Variants in ADK observed in about 807,000 individuals in gnomAD.
ADK encodes N6,N6-dimethyladenosine kinase.
In ADK, 24 loss-of-function variants were observed where a neutral mutation model predicts 44.7. That is an observed-to-expected ratio of 0.54 (90% CI 0.39 to 0.76). ADK has a LOEUF of 0.76. ADK is among the 30% of genes least tolerant of loss of function. The probability of loss-of-function intolerance (pLI) is 0.00; values close to 1 mark genes in which losing one functional copy is unlikely to be tolerated. For synonymous variants in ADK, 128 were observed against 142.6 expected (o/e 0.90, Z 0.73); for missense variants, 321 against 425.1 (o/e 0.76, Z 2.15).
intron 1 of ADK, among the ~76,000 whole-genome samples, chr10:74,171,744 A>G (rs748091995): frequency 2.6e-5 from 4 of 152,088 alleles, no homozygotes; most frequent in Non-Finnish European, 5.9e-5. Flanking sequence ...AAAATTGATC[A>G]AAAGTAGTAG....
At chr10:74,460,329 T>C (rs1846125865) in intron 6 of ADK, among the ~76,000 whole-genome samples, 1 of 152,198 alleles carries the variant, frequency 6.6e-6, no homozygotes, top group Non-Finnish European at 1.5e-5. Context: ...TTATCTTCAT[T>C]TGGGTTGCAG....
Position 74,704,903 on chromosome 10 carries a change from C to CTT in ADK, c.965-3415_965-3414dup, listed in dbSNP as rs766067172. 1.5e-4 allele frequency among the ~76,000 whole-genome samples: 23 copies of CTT among 152,322 alleles called. 1 individual carries two copies. Among genetic ancestry groups the CTT allele is most frequent in the South Asian group, 4.1e-4 (2 of 4,826 alleles). On this transcript the variant is annotated intron_variant, in intron 10 of 10. Coordinates refer to ENST00000539909, the MANE Select transcript of ADK (RefSeq NM_006721.4). ...AGTTTGGCAGAAAAGTTAATATTGA[C>CTT]TTTTGACTGTTACCTGAAAACTTGG...
intron 7 of ADK, among the ~76,000 whole-genome samples, chr10:74,570,158 GC>G (rs1850890147): frequency 6.6e-6 from 1 of 152,094 alleles, no homozygotes; most frequent in African/African-American, 2.4e-5. Context: ...CCAGTACCAT[GC>G]TGTTTTGGTT....
At chr10:74,499,739 T>C (rs1847827735) in intron 6 of ADK, among the ~76,000 whole-genome samples, 1 of 152,144 alleles carries the variant, frequency 6.6e-6, no homozygotes, top group South Asian at 2.1e-4. Flanking sequence ...AGTAGATAAC[T>C]AGGCATGTCT....
intron 9 of ADK, among the ~76,000 whole-genome samples, chr10:74,658,083 C>T (rs2134158403): frequency 6.6e-6 from 1 of 152,254 alleles, no homozygotes; most frequent in South Asian, 2.1e-4. Context: ...GAACAATAGG[C>T]TGGATTCATA....
intron 7 of ADK, among the ~76,000 whole-genome samples, chr10:74,586,781 G>C (rs1232272768): frequency 6.6e-6 from 1 of 151,348 alleles, no homozygotes; most frequent in Non-Finnish European, 1.5e-5. Flanking sequence ...TTTAACCCAG[G>C]AGGCGGAGGT....
Position 74,230,546 on chromosome 10 carries a change from A to AC in ADK, c.194+5956dup, listed in dbSNP as rs1199557130. ...GAAAACAGTTGCATGATCATGGCTC[A>AC]CTACAGTCTTGTTTTTAGAGATGAG... On this transcript the variant is annotated intron_variant, in intron 3 of 10. Transcript: ENST00000539909. Among the ~76,000 whole-genome samples, 3 of 151,382 alleles carry AC rather than the reference A, an allele frequency of 2.0e-5. No homozygotes were observed. In the East Asian group the frequency reaches 5.8e-4, roughly 29 times the overall value.
At chr10:74,333,904 GT>G (rs1414576450) in intron 4 of ADK, among the ~76,000 whole-genome samples, 1 of 151,666 alleles carries the variant, frequency 6.6e-6, no homozygotes, top group East Asian at 1.9e-4. Context: ...GTATATTTTT[GT>G]TTTTTTAAGG....
At chr10:74,633,283 A>C (rs1444909130) in intron 9 of ADK, among the ~76,000 whole-genome samples, 1 of 152,150 alleles carries the variant, frequency 6.6e-6, no homozygotes, top group African/African-American at 2.4e-5. Flanking sequence ...TGCTTAATAT[A>C]TCTTAGAGAT....
chr10:74,187,363 C>T (rs965497382), intron 1 of ADK, among the ~76,000 whole-genome samples: 2 of 152,046 alleles, frequency 1.3e-5, no homozygotes, highest in African/African-American at 4.8e-5. Context: ...GTGCTATAAA[C>T]ATTTATGTAC....
intron 2 of ADK, among the ~76,000 whole-genome samples, chr10:74,205,652 T>A (rs1843565769): frequency 7.4e-6 from 1 of 135,408 alleles, no homozygotes; most frequent in Non-Finnish European, 1.5e-5. Context: ...CTCCAGCCAG[T>A]GTGACAGCCT....
intron 9 of ADK, among the ~76,000 whole-genome samples, chr10:74,631,287 T>C (rs1268299492): frequency 6.6e-6 from 1 of 151,784 alleles, no homozygotes; most frequent in African/African-American, 2.4e-5. Context: ...TATTTTTTTT[T>C]TTTTGAGAAG....
rs533901339 is a variant in ADK at position 74,559,307 on chromosome 10, C to A, written c.727-29975C>A. On this transcript the variant is annotated intron_variant, in intron 7 of 10. Transcript: ENST00000539909. The stretch of plus-strand genomic sequence containing the variant: ...ACTAGGACCTGATGGCCAAAACACT[C>A]ATTTTAATGAAATCATACTTTAATT... 3.2e-4 allele frequency among the ~76,000 whole-genome samples: 49 copies of A among 152,376 alleles called. No homozygotes were observed. The South Asian group carries it at 9.5e-3, about 30-fold the overall frequency.
At chr10:74,543,015 C>T (rs1849696476) in intron 7 of ADK, among the ~76,000 whole-genome samples, 2 of 152,090 alleles carry the variant, frequency 1.3e-5, no homozygotes, top group Middle Eastern at 3.4e-3. Flanking sequence ...ATTCTCCTGC[C>T]TCAGCCTCCC....
intron 4 of ADK, among the ~76,000 whole-genome samples, chr10:74,323,791 C>T (rs991225252): frequency 6.6e-6 from 1 of 152,068 alleles, no homozygotes. Flanking sequence ...AGGATGGTCT[C>T]TATCTCCTGA....
intron 7 of ADK, among the ~76,000 whole-genome samples, chr10:74,543,509 G>A (rs1443247374): frequency 6.6e-6 from 1 of 152,198 alleles, no homozygotes; most frequent in African/African-American, 2.4e-5. Context: ...TGGGTTGCTA[G>A]AGGTATTTCT....
At chr10:74,543,045 TGCC>T (rs1849699148) in intron 7 of ADK, among the ~76,000 whole-genome samples, 1 of 151,752 alleles carries the variant, frequency 6.6e-6, no homozygotes, top group Admixed American at 6.6e-5. Flanking sequence ...GGACTACAGG[TGCC>T]TGCCACCACC....
chr10:74,350,589 A>T (rs981448343), intron 4 of ADK, among the ~76,000 whole-genome samples: 1 of 152,184 alleles, frequency 6.6e-6, no homozygotes, highest in Non-Finnish European at 1.5e-5. Flanking sequence ...GGAGGTACAG[A>T]CATGAAAAAC....
intron 7 of ADK, among the ~76,000 whole-genome samples, chr10:74,567,991 G>T (rs75855927): frequency 6.6e-6 from 1 of 152,030 alleles, no homozygotes; most frequent in African/African-American, 2.4e-5. Context: ...GAGCCACCGC[G>T]CCAGGCCCTA....
Sources: gnomAD v4.1 joint callset for allele counts (sites outside exome capture counted in the v4.1 genomes callset) on GRCh38, gnomAD v4.1.1 for gene constraint, MANE v1.5 for transcripts, NCBI Gene and HGNC (gene_info 2026-07-23, HGNC 2026-07-21) for gene names.